Variants in KLHL29 observed in about 807,000 individuals in gnomAD.
The protein encoded by KLHL29 is kelch-like protein 29.
A neutral mutation model predicts 80.4 loss-of-function variants in KLHL29; 21 were observed. That is an observed-to-expected ratio of 0.26 (90% CI 0.19 to 0.38). The LOEUF is 0.38. Ranked by LOEUF, KLHL29 falls within the 10% of genes least tolerant of loss-of-function variation. KLHL29 has a pLI of 1.00. For synonymous variants in KLHL29, 511 were observed against 526.8 expected, an observed-to-expected ratio of 0.97 and a Z score of 0.41; for missense variants, 867 against 1,223.9, an observed-to-expected ratio of 0.71 and a Z score of 4.35.
intron 3 of KLHL29, among the ~76,000 whole-genome samples, chr2:23,630,448 G>A (rs1669440449): frequency 6.6e-6 from 1 of 152,170 alleles, no homozygotes; most frequent in Non-Finnish European, 1.5e-5. Flanking sequence ...GTAGACCCGG[G>A]TTAGAGTCCC....
chr2:23,504,325 C>T (rs1665534566), intron 2 of KLHL29, among the ~76,000 whole-genome samples: 1 of 152,132 alleles, frequency 6.6e-6, no homozygotes, highest in South Asian at 2.1e-4. Context: ...CTCTGATCGC[C>T]CACCAGCCTT....
At chr2:23,443,117 A>C (rs1293477678) in intron 1 of KLHL29, among the ~76,000 whole-genome samples, 1 of 152,216 alleles carries the variant, frequency 6.6e-6, no homozygotes, top group Non-Finnish European at 1.5e-5. Flanking sequence ...AAAGAATAGT[A>C]CAGGGCATTT....
At chr2:23,535,056 A>G (rs1666620964) in intron 2 of KLHL29, among the ~76,000 whole-genome samples, 1 of 152,230 alleles carries the variant, frequency 6.6e-6, no homozygotes, top group African/African-American at 2.4e-5. Flanking sequence ...CAGACTGTGC[A>G]CTTAAGATTT....
Position 23,562,210 on chromosome 2 carries a change from A to G in KLHL29, c.14A>G (p.His5Arg), listed in dbSNP as rs1410444628. 3 of 1,550,658 alleles carry G rather than the reference A, an allele frequency of 1.9e-6. No homozygotes were observed. Among genetic ancestry groups the G allele is most frequent in the South Asian group, 1.2e-5 (1 of 84,056 alleles). The change falls in exon 3 of 14, where the codon CAT becomes CGT. Residue 5 changes from histidine to arginine, a missense_variant. His to Arg is a conservative substitution (Grantham distance 29). This residue lies in a region of KLHL29 where 424 missense variants were observed against 456.9 expected (regional missense o/e 0.93). Transcript: ENST00000486442. This position sits in a 1 kb window ranked among gnomAD's most constrained non-coding sequence, Gnocchi z 4.5. MSRH[H>R]SRFERDYRVG... The stretch of plus-strand genomic sequence containing the variant: ...CGGCCCACCGAGATGTCCCGGCACC[A>G]TAGCCGCTTCGAAAGAGATTACCGG...
At chr2:23,398,199 T>C (rs546388832) in intron 1 of KLHL29, among the ~76,000 whole-genome samples, 24 of 152,250 alleles carry the variant, frequency 1.6e-4, no homozygotes, top group Non-Finnish European at 2.8e-4. Flanking sequence ...AGCCAAAAGG[T>C]AGAAGCAACC....
intron 1 of KLHL29, among the ~76,000 whole-genome samples, chr2:23,446,653 G>T (rs1663697333): frequency 6.6e-6 from 1 of 152,168 alleles, no homozygotes; most frequent in Non-Finnish European, 1.5e-5. Flanking sequence ...TGTACTGAGG[G>T]ATGTGCTAAG....
chr2:23,635,132 C>G (rs567240868), intron 3 of KLHL29, among the ~76,000 whole-genome samples: 3 of 152,328 alleles, frequency 2.0e-5, no homozygotes, highest in African/African-American at 7.2e-5. Flanking sequence ...TATATGGCAC[C>G]TTTGTGCAAA....
At chr2:23,661,964 G>A (rs913097319) in intron 5 of KLHL29, among the ~76,000 whole-genome samples, 2 of 152,222 alleles carry the variant, frequency 1.3e-5, no homozygotes, top group African/African-American at 4.8e-5. Context: ...CCAGCGCTTG[G>A]CACATGGTAG....
intron 2 of KLHL29, among the ~76,000 whole-genome samples, chr2:23,527,357 A>G (rs1666358804): frequency 6.6e-6 from 1 of 152,184 alleles, no homozygotes; most frequent in Non-Finnish European, 1.5e-5. Context: ...GGGCAGCATT[A>G]GTATACCACA....
At chr2:23,433,907 A>G (rs952818024) in intron 1 of KLHL29, among the ~76,000 whole-genome samples, 1 of 152,056 alleles carries the variant, frequency 6.6e-6, no homozygotes, top group Middle Eastern at 3.2e-3. Flanking sequence ...CAATAGAGCA[A>G]GACCATGTCT....
chr2:23,443,757 A>T (rs113322055), intron 1 of KLHL29, among the ~76,000 whole-genome samples: 3 of 152,222 alleles, frequency 2.0e-5, no homozygotes, highest in Non-Finnish European at 4.4e-5. Context: ...TGTCCCCTGT[A>T]GTTGACTTGG....
chr2:23,635,114 T>C (rs1669574783), intron 3 of KLHL29, among the ~76,000 whole-genome samples: 1 of 152,220 alleles, frequency 6.6e-6, no homozygotes, highest in African/African-American at 2.4e-5. Context: ...CACAGGACGC[T>C]GCTAGTCTAT....
At chr2:23,649,088 A>G (rs1477659565) in intron 5 of KLHL29, among the ~76,000 whole-genome samples, 1 of 152,206 alleles carries the variant, frequency 6.6e-6, no homozygotes, top group East Asian at 1.9e-4. Flanking sequence ...TGGAGGAGAA[A>G]TCGGGTCTGG....
intron 3 of KLHL29, among the ~76,000 whole-genome samples, chr2:23,601,953 C>T (rs1255144330): frequency 6.6e-6 from 1 of 152,198 alleles, no homozygotes; most frequent in Non-Finnish European, 1.5e-5. Context: ...CTGTGAAGGA[C>T]ACTCTTGGGG....
intron 1 of KLHL29, among the ~76,000 whole-genome samples, chr2:23,467,815 T>C (rs1043501796): frequency 4.6e-5 from 7 of 152,076 alleles, no homozygotes; most frequent in Admixed American, 4.6e-4. Flanking sequence ...CGGAGAGTGG[T>C]CGCTGACCAG....
Position 23,693,270 on chromosome 2 carries a change from G to A in KLHL29, c.1284G>A (p.Glu428=). The stretch of plus-strand genomic sequence containing the variant: ...GTGGTCCTGCGCTGTCGCCCCCAGA[G>A]AAGCAGCTGACGGCCAGCAACTGCC... ...TFCKVCVSFL[E]KQLTASNCLG... Residue 428 remains glutamate (E), a splice_region_variant and synonymous_variant, in exon 8 of 14, where the codon GAG becomes GAA. Transcript: ENST00000486442. 1 of 1,541,422 alleles carries A rather than the reference G, an allele frequency of 6.5e-7. No individual in the cohort carries two copies. Among genetic ancestry groups the A allele is most frequent in the Middle Eastern group, 2.2e-4 (1 of 4,620 alleles).
At chr2:23,598,896 C>A (rs1244003279) in intron 3 of KLHL29, among the ~76,000 whole-genome samples, 1 of 152,216 alleles carries the variant, frequency 6.6e-6, no homozygotes, top group African/African-American at 2.4e-5. Context: ...CCTCTTCGGC[C>A]CCAGAAGGCT....
At chr2:23,609,729 C>T (rs533987380) in intron 3 of KLHL29, among the ~76,000 whole-genome samples, 1 of 152,288 alleles carries the variant, frequency 6.6e-6, no homozygotes, top group African/African-American at 2.4e-5. Flanking sequence ...GAGCCTACTA[C>T]AAGCACTTTG....
intron 2 of KLHL29, among the ~76,000 whole-genome samples, chr2:23,500,051 A>G (rs73919714): frequency 0.074 from 11,217 of 152,298 alleles, 457 homozygotes; most frequent in Non-Finnish European, 0.09. Context: ...ACTGTACAGC[A>G]GGCCCTGTGC....
Sources: gnomAD v4.1 joint callset for allele counts (sites outside exome capture counted in the v4.1 genomes callset) on GRCh38, gnomAD v4.1.1 for gene constraint, gnomAD v4.1.1 regional missense constraint, Gnocchi (gnomAD v3.1) non-coding constraint, MANE v1.5 for transcripts, NCBI Gene and HGNC (gene_info 2026-07-23, HGNC 2026-07-21) for gene names.